The following SGIP1 variants were observed in gnomAD, a reference collection of about 807,000 sequenced individuals.
SGIP1 encodes the protein SH3-containing GRB2-like protein 3-interacting protein 1.
Under a neutral mutation model 107.5 loss-of-function variants are expected in SGIP1, and 38 were observed. That is an observed-to-expected ratio of 0.35 (90% CI 0.27 to 0.46). The LOEUF is 0.46. SGIP1 is among the 20% of genes least tolerant of loss of function. SGIP1 has a pLI of 1.00. For missense variants in SGIP1, 929 were observed against 1,019.5 expected (o/e 0.91, Z 1.21); for synonymous variants, 365 against 366.1 (o/e 1.00, Z 0.03).
intron 1 of SGIP1, among the ~76,000 whole-genome samples, chr1:66,571,967 T>C (rs949788926): frequency 1.3e-5 from 2 of 152,050 alleles, no homozygotes; most frequent in African/African-American, 4.8e-5. Flanking sequence ...AGTCATTTTC[T>C]TCAAGCTGCT....
At chr1:66,573,321 T>A (rs2060628059) in intron 1 of SGIP1, among the ~76,000 whole-genome samples, 1 of 152,122 alleles carries the variant, frequency 6.6e-6, no homozygotes. Context: ...TGTGGGAGTG[T>A]AAATTAGTTC....
In SGIP1 at chr1:66,642,833, A is replaced by C. The variant is rs368408332; in HGVS notation, c.252A>C (p.Glu84Asp). The C allele has an allele frequency of 1.2e-5, 19 of 1,612,506 alleles. No individual in the cohort carries two copies. The highest frequency in any genetic ancestry group is 1.7e-5 in the Admixed American group (1 of 59,860). The change falls in exon 6 of 25, where the codon GAA becomes GAC. Residue 84 changes from glutamate to aspartate, a missense_variant. Coordinates refer to ENST00000371037, the MANE Select transcript of SGIP1 (RefSeq NM_032291.4). ...AGAACTCACCTGAGCTGGATGAAGA[A>C]GGCTACAGCATCAGACCCGAGGAAC... ...ERYNSPELDE[E>D]GYSIRPEEPG... is the part of the protein sequence containing the mutation.
chr1:66,718,061 G>T (rs528107314), intron 18 of SGIP1, among the ~76,000 whole-genome samples: 1 of 152,214 alleles, frequency 6.6e-6, no homozygotes, highest in South Asian at 2.1e-4. Flanking sequence ...AAAGCCAAGA[G>T]GAGATAAAAA....
At chr1:66,675,545 T>C (rs140701157) in intron 12 of SGIP1, among the ~76,000 whole-genome samples, 11 of 114,198 alleles carry the variant, frequency 9.6e-5, no homozygotes, top group South Asian at 3.4e-4. Context: ...TTCTTTCTTT[T>C]TTTTTTTTTT....
chr1:66,721,369 T>C (rs1474497806), intron 19 of SGIP1, among the ~76,000 whole-genome samples: 5 of 152,194 alleles, frequency 3.3e-5, no homozygotes. Context: ...AAAATCACGT[T>C]GGCCTGAATT....
intron 1 of SGIP1, among the ~76,000 whole-genome samples, chr1:66,610,495 C>G (rs2067753138): frequency 6.6e-6 from 1 of 152,108 alleles, no homozygotes; most frequent in Admixed American, 6.6e-5. Context: ...ACATTGATCT[C>G]TTACCTGATG....
chr1:66,690,171 T>C lies in SGIP1; in HGVS notation c.1444-19T>C, dbSNP rs1227220159. 1 of 1,599,314 alleles carries C rather than the reference T, an allele frequency of 6.3e-7. No individual in the cohort carries two copies. Among genetic ancestry groups the C allele is most frequent in the Non-Finnish European group, 8.5e-7 (1 of 1,172,834 alleles). ...CAACCTGTGTATCTAACTTTTCATC[T>C]CTTTTCTTCTCCTTACAGTCCAGAC... On this transcript the variant is annotated intron_variant, in intron 16 of 24. Transcript: ENST00000371037.
intron 1 of SGIP1, among the ~76,000 whole-genome samples, chr1:66,611,409 A>G (rs200369887): frequency 9.6e-4 from 146 of 152,332 alleles, no homozygotes; most frequent in East Asian, 3.9e-3. Flanking sequence ...ACTTCCAAAG[A>G]GCCAAGCTTC....
chr1:66,682,423 G>A, intron 15 of SGIP1, 54 bp downstream of exon 15: 1 of 1,553,618 alleles, frequency 6.4e-7, no homozygotes, highest in Non-Finnish European at 8.6e-7. Flanking sequence ...CATGGCTGCT[G>A]CAGTGTGAGC....
At chr1:66,639,426 A>G (rs1220147675) in intron 4 of SGIP1, among the ~76,000 whole-genome samples, 1 of 152,238 alleles carries the variant, frequency 6.6e-6, no homozygotes, top group East Asian at 1.9e-4. Flanking sequence ...TAAAATACAT[A>G]TATACACGGC....
intron 1 of SGIP1, among the ~76,000 whole-genome samples, chr1:66,613,546 T>A (rs549030495): frequency 6.6e-6 from 1 of 152,204 alleles, no homozygotes; most frequent in Admixed American, 6.5e-5. Context: ...GCCAGGCTGG[T>A]CTCCAACTCA....
chr1:66,705,089 C>A (rs553124567), intron 18 of SGIP1, among the ~76,000 whole-genome samples: 2 of 152,218 alleles, frequency 1.3e-5, no homozygotes, highest in African/African-American at 2.4e-5. Flanking sequence ...AGATTTGAAC[C>A]TTTTTATGTC....
At chr1:66,547,482 T>C (rs1477613602) in intron 1 of SGIP1, among the ~76,000 whole-genome samples, 2 of 152,182 alleles carry the variant, frequency 1.3e-5, no homozygotes, top group African/African-American at 4.8e-5. Flanking sequence ...TCAAACGATT[T>C]CATCTGGATT....
intron 1 of SGIP1, among the ~76,000 whole-genome samples, chr1:66,560,774 G>T (rs2058818148): frequency 6.6e-6 from 1 of 152,032 alleles, no homozygotes; most frequent in African/African-American, 2.4e-5. Flanking sequence ...CCAACTACCT[G>T]GGTTAAATCT....
intron 21 of SGIP1, among the ~76,000 whole-genome samples, chr1:66,737,418 C>G (rs766929631): frequency 2.6e-5 from 4 of 152,054 alleles, no homozygotes; most frequent in African/African-American, 4.8e-5. Flanking sequence ...AAGGGCTGCG[C>G]ACGGTGGCTC....
rs1226448805 is a variant in SGIP1 at position 66,628,590 on chromosome 1, G to A, written c.74+2680G>A. The A allele has an allele frequency of 9.0e-5, 14 of 154,758 alleles. No individual in the cohort carries two copies. The Admixed American group carries it at 9.2e-4, about 10-fold the overall frequency. The allele number at this position is 154,758 out of a possible 1,614,324, so 9.6% of individuals were successfully genotyped here. On this transcript the variant is annotated intron_variant, in intron 2 of 24. Transcript: ENST00000371037. Reference sequence around the variant, plus strand: ...CCATTTCTGAATGAAGACAATGTCTGTAATTGACTGCACCAGAGATTTCTG... The same window carrying A: ...CCATTTCTGAATGAAGACAATGTCTATAATTGACTGCACCAGAGATTTCTG...
At chr1:66,617,326 T>A (rs2069609341) in intron 1 of SGIP1, among the ~76,000 whole-genome samples, 1 of 150,646 alleles carries the variant, frequency 6.6e-6, no homozygotes, top group Non-Finnish European at 1.5e-5. Context: ...ATTAAAAAAA[T>A]CACTGGACCA....
At position 66,649,058 on chromosome 1, in the gene SGIP1, G is replaced by A. The variant is rs547165975; in HGVS notation, c.459+5339G>A. On this transcript the variant is annotated intron_variant, in intron 7 of 24. Transcript: ENST00000371037. ...AAAAAAACCACTTCTCCTTTTTTGA[G>A]GGTCATGCTCTGCTTCCCCATGTTC... Among the ~76,000 whole-genome samples, 7 of 152,068 alleles carry A rather than the reference G, an allele frequency of 4.6e-5. 1 individual carries two copies. The East Asian group carries it at 1.4e-3, about 29-fold the overall frequency.
chr1:66,662,999 T>C (rs1325693281), intron 8 of SGIP1, among the ~76,000 whole-genome samples: 4 of 152,124 alleles, frequency 2.6e-5, no homozygotes, highest in African/African-American at 7.2e-5. Context: ...AACAAATGAA[T>C]AGGTGTTTTG....
Sources: gnomAD v4.1 joint callset for allele counts (sites outside exome capture counted in the v4.1 genomes callset) on GRCh38, gnomAD v4.1.1 for gene constraint, MANE v1.5 for transcripts, NCBI Gene and HGNC (gene_info 2026-07-23, HGNC 2026-07-21) for gene names.